Variants in CHLSN observed in about 807,000 individuals in gnomAD.
CHLSN encodes cholesin, also known as protein cholesin.
chr7:1,052,704 G>A, the CHLSN span, among the ~76,000 whole-genome samples: 2,176 of 152,160 alleles, frequency 0.014, 42 homozygotes, highest in African/African-American at 0.047. This position sits in a 1 kb window ranked among gnomAD's most constrained non-coding sequence, Gnocchi z 4.2. Context: ...GGCGGGCCCC[G>A]GAAGCTGAAT....
the CHLSN span, among the ~76,000 whole-genome samples, chr7:1,070,954 GCACAGA>G: frequency 9.0e-6 from 1 of 111,562 alleles, no homozygotes; most frequent in Non-Finnish European, 2.1e-5. Flanking sequence ...CACACACACA[GCACAGA>G]CACGCACACG....
At chr7:1,092,530 T>G in the CHLSN span, 135 of 1,608,514 alleles carry the variant, frequency 8.4e-5, no homozygotes, top group Non-Finnish European at 1.1e-4. Flanking sequence ...GGTGCTGGTC[T>G]TCTTCGTCTG....
chr7:1,068,863 C>T, the CHLSN span, among the ~76,000 whole-genome samples: 1 of 152,284 alleles, frequency 6.6e-6, no homozygotes, highest in African/African-American at 2.4e-5. Context: ...AAAAAAACAC[C>T]TACAGCCCCT....
chr7:986,788 G>T, the CHLSN span: 1 of 1,570,932 alleles, frequency 6.4e-7, no homozygotes. Context: ...CCCTGATCCA[G>T]CAGGGACAGG....
the CHLSN span, among the ~76,000 whole-genome samples, chr7:1,121,046 G>A: frequency 1.1e-4 from 17 of 152,126 alleles, no homozygotes; most frequent in Non-Finnish European, 2.2e-4. Context: ...CCACAAAAAC[G>A]GATCAAAAAC....
the CHLSN span, among the ~76,000 whole-genome samples, chr7:1,070,596 A>G: frequency 1.3e-5 from 2 of 149,424 alleles, no homozygotes; most frequent in Admixed American, 1.3e-4. Flanking sequence ...GGACACGCAC[A>G]CACATGCACA....
chr7:1,005,776 G>A, the CHLSN span, among the ~76,000 whole-genome samples: 11 of 152,334 alleles, frequency 7.2e-5, no homozygotes, highest in South Asian at 1.7e-3. Flanking sequence ...ACTTGCTCTC[G>A]TCCTCCCGCA....
At chr7:979,218 G>A in the CHLSN span, among the ~76,000 whole-genome samples, 6 of 152,202 alleles carry the variant, frequency 3.9e-5, no homozygotes, top group East Asian at 1.9e-4. Context: ...ATTGCAATCC[G>A]GGAGGGTGTT....
chr7:982,639 G>C, the CHLSN span, among the ~76,000 whole-genome samples: 1 of 152,248 alleles, frequency 6.6e-6, no homozygotes, highest in Admixed American at 6.5e-5. Context: ...GTGGTGGCCT[G>C]TGAGGACTGT....
the CHLSN span, among the ~76,000 whole-genome samples, chr7:999,127 T>C: frequency 7.2e-5 from 11 of 152,228 alleles, no homozygotes; most frequent in South Asian, 4.1e-4. Flanking sequence ...AACCAAGGAT[T>C]TGCCTAACCA....
chr7:1,041,059 C>G, the CHLSN span, among the ~76,000 whole-genome samples: 1 of 152,242 alleles, frequency 6.6e-6, no homozygotes. Context: ...GGAACAGCTG[C>G]TTCTGCAGAA....
chr7:1,087,821 C>T, the CHLSN span, among the ~76,000 whole-genome samples: 1 of 152,244 alleles, frequency 6.6e-6, no homozygotes, highest in Non-Finnish European at 1.5e-5. Context: ...TTGCTTGCTT[C>T]AACCCAGGAG....
At chr7:1,084,444 C>T in the CHLSN span, among the ~76,000 whole-genome samples, 1 of 152,258 alleles carries the variant, frequency 6.6e-6, no homozygotes, top group Non-Finnish European at 1.5e-5. Context: ...CTTCTGCACA[C>T]AGCTTGATGT....
the CHLSN span, chr7:997,457 C>G: frequency 1.7e-6 from 1 of 581,444 alleles, no homozygotes; most frequent in Non-Finnish European, 2.9e-6. Context: ...GGGGCCCTTG[C>G]GAGGCTCTGG....
At chr7:1,072,588 G>A in the CHLSN span, among the ~76,000 whole-genome samples, 2 of 152,044 alleles carry the variant, frequency 1.3e-5, no homozygotes, top group South Asian at 2.1e-4. Flanking sequence ...TTCCCTAAAC[G>A]TCTGAGGGGC....
At chr7:1,121,539 C>G in the CHLSN span, among the ~76,000 whole-genome samples, 13 of 152,352 alleles carry the variant, frequency 8.5e-5, no homozygotes, top group East Asian at 2.5e-3. Context: ...GTAATACACA[C>G]TGATTTTCAA....
the CHLSN span, among the ~76,000 whole-genome samples, chr7:1,081,489 G>C: frequency 8.5e-5 from 13 of 152,252 alleles, no homozygotes; most frequent in Non-Finnish European, 2.9e-5. Flanking sequence ...TTGGCACGGC[G>C]CAGGGGTGGC....
chr7:1,016,629 TAGCGCACGCC>T, the CHLSN span, among the ~76,000 whole-genome samples: 4 of 83,322 alleles, frequency 4.8e-5, 1 homozygote, highest in Non-Finnish European at 4.7e-5. Flanking sequence ...CAGAGCACAG[TAGCGCACGCC>T]AGCGCACAGC....
At chr7:1,001,474 T>C in the CHLSN span, among the ~76,000 whole-genome samples, 1 of 125,480 alleles carries the variant, frequency 8.0e-6, no homozygotes, top group South Asian at 3.0e-4. Flanking sequence ...TGGGGAGTCC[T>C]GTGGGTGAGT....
Sources: gnomAD v4.1 joint callset for allele counts (sites outside exome capture counted in the v4.1 genomes callset) on GRCh38, gnomAD v4.1.1 for gene constraint, Gnocchi (gnomAD v3.1) non-coding constraint, MANE v1.5 for transcripts, NCBI Gene and HGNC (gene_info 2026-07-23, HGNC 2026-07-21) for gene names.